Variants in TRPV1 observed in about 807,000 individuals in gnomAD.
TRPV1 encodes the protein transient receptor potential cation channel subfamily V member 1, also known as OTRPC1.
Under a neutral mutation model 82.3 loss-of-function variants are expected in TRPV1, and 82 were observed. The ratio of observed to expected loss-of-function variants is 1.00; its 90% CI spans 0.83 to 1.20. TRPV1 has a LOEUF of 1.20. Ranked by LOEUF, TRPV1 falls within the 50% of genes most tolerant of loss-of-function variation. The pLI, the probability that TRPV1 is intolerant of heterozygous loss-of-function variation, is 0.00. For missense variants in TRPV1, 1,067 were observed against 1,096.8 expected (o/e 0.97, Z 0.38); for synonymous variants, 515 against 467.7 (o/e 1.10, Z -1.30).
intron 9 of TRPV1, 32 bp from the exon 10 acceptor site, chr17:3,583,462 T>C (rs532783108): frequency 1.3e-6 from 2 of 1,524,146 alleles, no homozygotes; most frequent in East Asian, 4.7e-5. Context: ...GTAACTCCAT[T>C]TACTCATTCG....
At position 3,573,669 on chromosome 17, in the gene TRPV1, C is replaced by A; in HGVS notation, c.2067G>T (p.Lys689Asn). 1.2e-6 allele frequency: 2 copies of A among 1,613,994 alleles called. No individual in the cohort carries two copies. Among genetic ancestry groups the A allele is most frequent in the Non-Finnish European group, 1.7e-6 (2 of 1,179,984 alleles). ...AGATGTTCTTGCTCTCCTGTGCGAT[C>A]TTGTTGACAGTCTCACCCATGAGGG... Reference protein sequence around the residue: ...LIALMGETVNKIAQESKNIWK... With the variant: ...LIALMGETVNNIAQESKNIWK... The change falls in exon 14 of 17, where the codon AAG (lysine) becomes AAT (asparagine). Residue 689 changes from lysine (K) to asparagine (N), a missense_variant. Lys to Asn is a moderately conservative substitution (Grantham distance 94). Transcript: ENST00000572705.
intron 9 of TRPV1, among the ~76,000 whole-genome samples, chr17:3,583,783 G>A (rs73319498): frequency 2.1e-4 from 32 of 152,308 alleles, no homozygotes; most frequent in African/African-American, 6.5e-4. Flanking sequence ...TACACATCCC[G>A]CTGCCACCCC....
Position 3,592,376 on chromosome 17 carries a change from T to C in TRPV1, c.-26A>G, listed in dbSNP as rs768222922. ...CCTTGCTGGATCCTCTGTGGCCCAG[T>C]GTGCAACCTGCAGCAGCCACCACGC... is the stretch of plus-strand genomic sequence containing the variant. On this transcript the variant is annotated 5_prime_UTR_variant, in exon 3 of 17. Coordinates refer to ENST00000572705, the MANE Select transcript of TRPV1 (RefSeq NM_080704.4). The C allele has an allele frequency of 1.4e-5, 22 of 1,568,082 alleles. No homozygotes were observed. In the South Asian group the frequency reaches 2.5e-4, roughly 18 times the overall value.
intron 9 of TRPV1, 52 bp from the exon 10 acceptor site, chr17:3,583,482 C>T: frequency 7.1e-7 from 1 of 1,401,416 alleles, no homozygotes; most frequent in Non-Finnish European, 9.9e-7. Flanking sequence ...GTTCATTCAA[C>T]AAACATGGAC....
rs55990804 is a variant in TRPV1, at chr17:3,574,917, C to CAAAA, written c.1781-966_1781-963dup. On this transcript the variant is annotated intron_variant, in intron 13 of 16. Transcript: ENST00000572705. ...TGGGCGACAGAACGAGACTCTATCT[C>CAAAA]AAAAAAAAAAAAAAAAAAAAAAGAT... 4.3e-3 allele frequency among the ~76,000 whole-genome samples: 359 copies of CAAAA among 82,900 alleles called. 7 individuals carry two copies. The highest frequency in any genetic ancestry group is 0.015 in the African/African-American group (329 of 21,792). 54.4% of individuals were successfully genotyped at this position (82,900 alleles called of 152,430 possible). A position where few individuals can be genotyped will look rare whatever the true frequency, so the allele number is the denominator to read the frequency against.
chr17:3,571,386 GACGTCAGGAGCTGCC>G (rs1209320868), intron 16 of TRPV1, 123 bp downstream of exon 16: 1 of 640,300 alleles, frequency 1.6e-6, no homozygotes, highest in East Asian at 2.8e-5. Context: ...GCTCATGGCC[GACGTCAGGAGCTGCC>G]ACAGCGCCCG....
intron 2 of TRPV1, among the ~76,000 whole-genome samples, chr17:3,603,246 G>A (rs927610270): frequency 6.6e-6 from 1 of 152,208 alleles, no homozygotes; most frequent in African/African-American, 2.4e-5. Flanking sequence ...GCAGCGGTCT[G>A]CGAGCCGGTC....
In TRPV1 at chr17:3,585,941, G is replaced by C. The variant is rs1247427940; in HGVS notation, c.1225-15C>G. ...TCGTGGCGATTCTAGGGGGTGGGGA[G>C]AGAAGTGAGGTTCCCTCCTGCAGCA... On this transcript the variant is annotated splice_polypyrimidine_tract_variant and intron_variant, in intron 8 of 16. Coordinates refer to ENST00000572705, the MANE Select transcript of TRPV1 (RefSeq NM_080704.4). 6.2e-7 allele frequency: 1 copy of C among 1,613,446 alleles called. No individual in the cohort carries two copies. Among genetic ancestry groups the C allele is most frequent in the Non-Finnish European group, 8.5e-7 (1 of 1,179,688 alleles).
At chr17:3,594,155 AGCAG>A (rs1305250281) in intron 2 of TRPV1, among the ~76,000 whole-genome samples, 2 of 76,396 alleles carry the variant, frequency 2.6e-5, no homozygotes, top group African/African-American at 1.8e-4. Flanking sequence ...AAAAAAAAGA[AGCAG>A]CAGCAGCAGC....
Position 3,591,399 on chromosome 17 carries a change from G to A in TRPV1, c.285-46C>T, listed in dbSNP as rs543138665. 6.6e-6 allele frequency: 10 copies of A among 1,521,978 alleles called. No individual in the cohort carries two copies. The East Asian group carries it at 6.8e-5, about 10-fold the overall frequency. The allele number at this position is 1,521,978 out of a possible 1,614,324, so 94.3% of individuals were successfully genotyped here. A position where few individuals can be genotyped will look rare whatever the true frequency, so the allele number is the denominator to read the frequency against. ...TCGTCTCATACCCTGGCCTCCCCTC[G>A]GCCCTGAGGCCTTCGGAGCTTGTCA... On this transcript the variant is annotated intron_variant, in intron 3 of 16. Transcript: ENST00000572705.
chr17:3,571,925 C>A (rs1475564791), intron 15 of TRPV1, among the ~76,000 whole-genome samples, 197 bp downstream of exon 15: 1 of 152,158 alleles, frequency 6.6e-6, no homozygotes, highest in African/African-American at 2.4e-5. Flanking sequence ...TGTCTGGGCC[C>A]CACCAGATGA....
In TRPV1 at chr17:3,573,923, C is replaced by CA. The variant is rs1279850882; in HGVS notation, c.1812dup (p.Asp605Ter). On this transcript the variant is annotated frameshift_variant, in exon 14 of 17. Coordinates refer to ENST00000572705, the MANE Select transcript of TRPV1 (RefSeq NM_080704.4). LOFTEE classifies it high-confidence loss of function. ...GACGTGGACTCAGACGGCAGGGAGTCATTCTTCCCGTCTTCAATCAGCGTC... is the reference window on the plus strand; with the variant it reads ...GACGTGGACTCAGACGGCAGGGAGTCAATTCTTCCCGTCTTCAATCAGCGTC... 1 of 1,606,706 alleles carries CA rather than the reference C, an allele frequency of 6.2e-7. No homozygotes were observed. Among genetic ancestry groups the CA allele is most frequent in the Non-Finnish European group, 8.5e-7 (1 of 1,177,814 alleles).
At chr17:3,577,935 C>A (rs190311990) in intron 11 of TRPV1, 172 bp from the exon 12 acceptor site, 85 of 607,122 alleles carry the variant, frequency 1.4e-4, no homozygotes, top group East Asian at 1.3e-3. Flanking sequence ...GCAGCATCGT[C>A]CCCAAGGAGC....
In TRPV1 at chr17:3,577,768, G is replaced by A. The variant is rs201599063; in HGVS notation, c.1548-5C>T. On this transcript the variant is annotated splice_region_variant and splice_polypyrimidine_tract_variant and intron_variant, in intron 11 of 16. Transcript: ENST00000572705. ...ATGAACAGTGACTGCAGAAAGCTGC[G>A]GGTGGAGGGGCAGAAAGCTCCGTCT... The A allele has an allele frequency of 5.2e-5, 82 of 1,586,978 alleles. No homozygotes were observed. Among genetic ancestry groups the A allele is most frequent in the African/African-American group, 2.4e-4 (18 of 74,240 alleles).
chr17:3,572,988 A>G (rs1303374355), intron 14 of TRPV1, among the ~76,000 whole-genome samples: 2 of 21,166 alleles, frequency 9.4e-5, no homozygotes, highest in Non-Finnish European at 7.8e-4. Context: ...ATCTCAGAAA[A>G]AAAAAAAAAA....
chr17:3,591,129 A>C lies in TRPV1; in HGVS notation c.452-13T>G, dbSNP rs2075151968. The C allele has an allele frequency of 6.2e-7, 1 of 1,610,850 alleles. No individual in the cohort carries two copies. The highest frequency in any genetic ancestry group is 8.5e-7 in the Non-Finnish European group (1 of 1,178,730). ...CCTGTCTCAGGGTCTGAAAGACATAAGGGAGGGTCAGGGCAGGCCAGGGCT... is the reference window on the plus strand; with the variant it reads ...CCTGTCTCAGGGTCTGAAAGACATACGGGAGGGTCAGGGCAGGCCAGGGCT... On this transcript the variant is annotated splice_polypyrimidine_tract_variant and intron_variant, in intron 4 of 16. Coordinates refer to ENST00000572705, the MANE Select transcript of TRPV1 (RefSeq NM_080704.4).
chr17:3,599,087 G>A (rs111246843), intron 2 of TRPV1, among the ~76,000 whole-genome samples: 27,068 of 150,940 alleles, frequency 0.18, 7,723 homozygotes, highest in African/African-American at 0.61. Flanking sequence ...TAAAAATACA[G>A]AATTAGCTGG....
chr17:3,589,003 G>A, intron 7 of TRPV1: 1 of 1,523,988 alleles, frequency 6.6e-7, no homozygotes, highest in African/African-American at 1.4e-5. Flanking sequence ...CAAGAAATGA[G>A]AGCCAGATGG....
rs2150818149 is a variant in TRPV1 at position 3,565,551 on chromosome 17, T to A, written c.*1264A>T. ...GGGGTTCCTAGAAATGGAAGATCTT[T>A]CAAACATTCTTACCAGGTACCTTTG... On this transcript the variant is annotated 3_prime_UTR_variant, in exon 17 of 17. Transcript: ENST00000572705. 1 of 152,376 alleles carries A rather than the reference T, an allele frequency of 6.6e-6. No individual in the cohort carries two copies. The highest frequency in any genetic ancestry group is 2.1e-4 in the South Asian group (1 of 4,830). 9.4% of individuals were successfully genotyped at this position (152,376 alleles called of 1,614,324 possible). A position where few individuals can be genotyped will look rare whatever the true frequency, so the allele number is the denominator to read the frequency against.
Sources: allele counts gnomAD v4.1 joint callset (sites outside exome capture counted in the v4.1 genomes callset), GRCh38; gene constraint gnomAD v4.1.1; transcripts MANE v1.5; gene names NCBI Gene and HGNC (gene_info 2026-07-23, HGNC 2026-07-21).